CHRDL2: variants seen among roughly 807,000 people sequenced by gnomAD.
CHRDL2 encodes the protein chordin-like protein 2.
Under a neutral mutation model 54.3 loss-of-function variants are expected in CHRDL2, and 41 were observed. The observed-to-expected ratio is 0.76, with a 90% CI of 0.59 to 0.98. CHRDL2 has a LOEUF of 0.98. CHRDL2 is among the 50% of genes least tolerant of loss of function. The pLI, the probability that CHRDL2 is intolerant of heterozygous loss-of-function variation, is 0.00. For missense variants in CHRDL2, 518 were observed against 562.4 expected, an observed-to-expected ratio of 0.92 and a Z score of 0.80; for synonymous variants, 220 against 224.3, an observed-to-expected ratio of 0.98 and a Z score of 0.17.
In CHRDL2 at chr11:74,704,630, T is replaced by G; in HGVS notation, c.607A>C (p.Ser203Arg). 6.2e-7 allele frequency: 1 copy of G among 1,605,630 alleles called. No homozygotes were observed. The highest frequency in any genetic ancestry group is 8.5e-7 in the Non-Finnish European group (1 of 1,176,342). Residue 203 changes from serine (S) to arginine (R), a missense_variant, in exon 7 of 11, where the codon AGT (serine) becomes CGT (arginine). Transcript: ENST00000376332. ...GGGCCTCTCTTTCTCCCAGCATCAC[T>G]GGAACATGGATCCTGAGGATGTCTC... ...GVRHPQDPCSSDAGRKRGPGT... is the reference protein window; with the variant it reads ...GVRHPQDPCSRDAGRKRGPGT...
chr11:74,728,112 G>A (rs537198925), intron 1 of CHRDL2, among the ~76,000 whole-genome samples: 1 of 152,238 alleles, frequency 6.6e-6, no homozygotes, highest in East Asian at 1.9e-4. Context: ...TGGGATTAGG[G>A]CTCAATCTAT....
chr11:74,731,254 G>C lies in CHRDL2; in HGVS notation c.-366C>G, dbSNP rs2034649711. 1 of 159,300 alleles carries C rather than the reference G, an allele frequency of 6.3e-6. No homozygotes were observed. The highest frequency in any genetic ancestry group is 1.8e-4 in the South Asian group (1 of 5,584). The allele number at this position is 159,300 out of a possible 1,614,324, so 9.9% of individuals were successfully genotyped here. ...GCGCGCAGCGCCGGGCGAGGCGCGCGGGACCAGCGGGTGTTGCGGGCGCGC... is the reference window on the plus strand; with the variant it reads ...GCGCGCAGCGCCGGGCGAGGCGCGCCGGACCAGCGGGTGTTGCGGGCGCGC... On this transcript the variant is annotated 5_prime_UTR_variant, in exon 1 of 11. Coordinates refer to ENST00000376332, the MANE Select transcript of CHRDL2 (RefSeq NM_001278473.3). The surrounding 1 kb of genome is among the most constrained non-coding windows in gnomAD (Gnocchi z 4.4).
Position 74,715,642 on chromosome 11 carries a change from A to C in CHRDL2, c.196-2163T>G, listed in dbSNP as rs932232829. 6.6e-5 allele frequency among the ~76,000 whole-genome samples: 10 copies of C among 151,128 alleles called. 1 individual carries two copies. Among genetic ancestry groups the C allele is most frequent in the African/African-American group, 2.4e-4 (10 of 41,096 alleles). ...AAGAAAAAGAAAAAAAAAAGTAAGC[A>C]AGTAGGAACAAGAAGATTTCAGATG... On this transcript the variant is annotated intron_variant, in intron 2 of 10. Transcript: ENST00000376332.
At chr11:74,717,270 G>A (rs762866120) in intron 2 of CHRDL2, among the ~76,000 whole-genome samples, 6 of 152,152 alleles carry the variant, frequency 3.9e-5, no homozygotes, top group Non-Finnish European at 7.3e-5. Flanking sequence ...TGGAGGGATT[G>A]AGGGTATATT....
chr11:74,713,918 T>C (rs2034271932), intron 2 of CHRDL2, among the ~76,000 whole-genome samples: 1 of 152,162 alleles, frequency 6.6e-6, no homozygotes, highest in Non-Finnish European at 1.5e-5. Context: ...AAACCTCATG[T>C]GGAGAAGACG....
Position 74,696,630 on chromosome 11 carries a change from A to G in CHRDL2, c.1214-45T>C, listed in dbSNP as rs755799240. On this transcript the variant is annotated intron_variant, in intron 10 of 10. Coordinates refer to ENST00000376332, the MANE Select transcript of CHRDL2 (RefSeq NM_001278473.3). The stretch of plus-strand genomic sequence containing the variant: ...AGAGGGAAGAGGCGTATGTGTCTGC[A>G]CGTGCACAACAGAGGCAGCAGCTGG... 111 of 1,439,550 alleles carry G rather than the reference A, an allele frequency of 7.7e-5. No homozygotes were observed. The South Asian group carries it at 9.7e-4, about 13-fold the overall frequency. The allele number at this position is 1,439,550 out of a possible 1,614,324, so 89.2% of individuals were successfully genotyped here. A position where few individuals can be genotyped will look rare whatever the true frequency, so the allele number is the denominator to read the frequency against.
intron 1 of CHRDL2, chr11:74,720,155 A>G (rs1476228571): frequency 6.6e-6 from 1 of 152,428 alleles, no homozygotes; most frequent in Non-Finnish European, 1.5e-5. Flanking sequence ...TAATTATCTC[A>G]TTAACATTAT....
intron 5 of CHRDL2, among the ~76,000 whole-genome samples, chr11:74,706,832 A>T (rs997487371): frequency 1.3e-5 from 2 of 152,154 alleles, no homozygotes; most frequent in Non-Finnish European, 2.9e-5. Flanking sequence ...GAAACAGAGC[A>T]TCTTGTTTGG....
intron 3 of CHRDL2, among the ~76,000 whole-genome samples, chr11:74,712,634 A>G (rs1170884740): frequency 6.6e-6 from 1 of 152,162 alleles, no homozygotes; most frequent in Non-Finnish European, 1.5e-5. Flanking sequence ...CCAGCTCACC[A>G]GGAAAGTCCT....
At chr11:74,698,927 G>A (rs2135228009) in intron 9 of CHRDL2, 1 of 152,336 alleles carries the variant, frequency 6.6e-6, no homozygotes, top group Non-Finnish European at 1.5e-5. Flanking sequence ...GCCTCTGCTA[G>A]GCCAGCACTG....
At chr11:74,719,193 G>A (rs778519462) in intron 1 of CHRDL2, 2 of 181,088 alleles carry the variant, frequency 1.1e-5, no homozygotes, top group Middle Eastern at 2.1e-3. Flanking sequence ...AGTTACACCT[G>A]AGGGCCACAC....
In CHRDL2 at chr11:74,703,293, GC is replaced by G. The variant is rs771350446; in HGVS notation, c.946+11del. On this transcript the variant is annotated intron_variant, in intron 8 of 10. Transcript: ENST00000376332. ...GGCCAGCGCCCTCCTTGCTCCCAGTGCCCCTGTGTACCTGGGCAAATCTTGC... is the reference window on the plus strand; with the variant it reads ...GGCCAGCGCCCTCCTTGCTCCCAGTGCCCTGTGTACCTGGGCAAATCTTGC... The G allele has an allele frequency of 3.1e-4, 484 of 1,584,332 alleles. 1 individual carries two copies. Among genetic ancestry groups the G allele is most frequent in the Non-Finnish European group, 3.9e-4 (459 of 1,162,366 alleles).
At chr11:74,697,152 C>T (rs1449663631) in intron 10 of CHRDL2, 53 bp downstream of exon 10, 13 of 1,439,504 alleles carry the variant, frequency 9.0e-6, no homozygotes, top group East Asian at 2.3e-5. Context: ...GGCTCTGGCC[C>T]GTGTCCTTGC....
intron 1 of CHRDL2, among the ~76,000 whole-genome samples, chr11:74,724,953 A>G (rs780232132): frequency 6.6e-6 from 1 of 152,134 alleles, no homozygotes; most frequent in Non-Finnish European, 1.5e-5. Context: ...GAGATTCTGG[A>G]AGAGGAGCCA....
rs1483689274 is a variant in CHRDL2 at position 74,697,183 on chromosome 11, A to T, written c.1213+22T>A. 5 of 1,598,946 alleles carry T rather than the reference A, an allele frequency of 3.1e-6. No individual in the cohort carries two copies. The East Asian group carries it at 1.1e-4, about 36-fold the overall frequency. On this transcript the variant is annotated intron_variant, in intron 10 of 10. Coordinates refer to ENST00000376332, the MANE Select transcript of CHRDL2 (RefSeq NM_001278473.3). The stretch of plus-strand genomic sequence containing the variant: ...CTTGCCTTCTTCCTGCCCCGGCCCC[A>T]TTCCTCAGCCCAAGCTCCTACCTTC...
intron 2 of CHRDL2, among the ~76,000 whole-genome samples, chr11:74,715,184 C>T (rs1020304220): frequency 3.3e-5 from 5 of 152,226 alleles, no homozygotes; most frequent in African/African-American, 9.6e-5. Context: ...GACTCATTCA[C>T]GCTCAATACT....
rs150769482 is a variant in CHRDL2, at chr11:74,721,093, C to A, written c.83-2261G>T. On this transcript the variant is annotated intron_variant, in intron 1 of 10. Coordinates refer to ENST00000376332, the MANE Select transcript of CHRDL2 (RefSeq NM_001278473.3). ...TCACATTCCCAGCAAGCCAGCAAGG[C>A]CCGGCTGGCCCGTATCAAATGAGCT... Among the ~76,000 whole-genome samples the A allele has an allele frequency of 2.4e-3, 363 of 152,348 alleles. 1 individual carries two copies. The highest frequency in any genetic ancestry group is 8.2e-3 in the African/African-American group (341 of 41,568).
chr11:74,710,887 A>C lies in CHRDL2; in HGVS notation c.394T>G (p.Ser132Ala). 6.2e-7 allele frequency: 1 copy of C among 1,613,918 alleles called. No homozygotes were observed. Among genetic ancestry groups the C allele is most frequent in the Non-Finnish European group, 8.5e-7 (1 of 1,179,956 alleles). ...AGGACACACTGGTTGGGCAGGCGGGAGGGGAACAGCTCATGGGCACTGAAG... is the reference window on the plus strand; with the variant it reads ...AGGACACACTGGTTGGGCAGGCGGGCGGGGAACAGCTCATGGGCACTGAAG... The part of the protein sequence containing the change: ...EIFSAHELFP[S>A]RLPNQCVLCS... The change falls in exon 4 of 11, where the codon TCC (serine) becomes GCC (alanine). Residue 132 changes from serine (S) to alanine (A), a missense_variant. Ser to Ala is a moderately conservative substitution (Grantham distance 99). Coordinates refer to ENST00000376332, the MANE Select transcript of CHRDL2 (RefSeq NM_001278473.3).
rs115116472 is a variant in CHRDL2 at position 74,709,395 on chromosome 11, G to A, written c.433-1000C>T. On this transcript the variant is annotated intron_variant, in intron 4 of 10. Coordinates refer to ENST00000376332, the MANE Select transcript of CHRDL2 (RefSeq NM_001278473.3). ...TCACTTACTAGCTGTGTGATCTCAG[G>A]CAAGTCACTTAACTATTCTGAGCCC... Among the ~76,000 whole-genome samples the A allele has an allele frequency of 3.3e-3, 496 of 152,308 alleles. 2 individuals carry two copies. Among genetic ancestry groups the A allele is most frequent in the African/African-American group, 0.011 (468 of 41,562 alleles).
Sources: gnomAD v4.1 joint callset for allele counts (sites outside exome capture counted in the v4.1 genomes callset) on GRCh38, gnomAD v4.1.1 for gene constraint, Gnocchi (gnomAD v3.1) non-coding constraint, MANE v1.5 for transcripts, NCBI Gene and HGNC (gene_info 2026-07-23, HGNC 2026-07-21) for gene names.